GRIK1: variants seen among roughly 807,000 people sequenced by gnomAD.
The protein encoded by GRIK1 is glutamate ionotropic receptor kainate type subunit 1, also known as glutamate receptor ionotropic, kainate 1.
A neutral mutation model predicts 105.7 loss-of-function variants in GRIK1; 69 were observed. That is an observed-to-expected ratio of 0.65 (90% CI 0.54 to 0.80). The LOEUF (loss-of-function observed/expected upper bound fraction) is 0.80. GRIK1 is among the 30% of genes least tolerant of loss of function. GRIK1 has a pLI of 0.00. For missense variants in GRIK1, 1,109 were observed against 1,167.3 expected (o/e 0.95, Z 0.73); for synonymous variants, 438 against 431.3 (o/e 1.02, Z -0.19).
intron 1 of GRIK1, among the ~76,000 whole-genome samples, chr21:29,833,812 G>C (rs1007874009): frequency 2.0e-5 from 3 of 151,998 alleles, no homozygotes; most frequent in South Asian, 4.1e-4. Flanking sequence ...GCATCCTTCA[G>C]ATTTCACAGC....
At chr21:29,565,094 A>G (rs1219321324) in intron 14 of GRIK1, among the ~76,000 whole-genome samples, 1 of 152,176 alleles carries the variant, frequency 6.6e-6, no homozygotes, top group Non-Finnish European at 1.5e-5. Flanking sequence ...TTTCTCTCTG[A>G]CAGAAAACTG....
intron 1 of GRIK1, among the ~76,000 whole-genome samples, chr21:29,825,354 G>A (rs781330401): frequency 8.6e-5 from 13 of 151,986 alleles, no homozygotes; most frequent in Admixed American, 2.0e-4. Flanking sequence ...TAGTGATGAT[G>A]TAAAGAAAGC....
intron 6 of GRIK1, among the ~76,000 whole-genome samples, chr21:29,646,103 A>T (rs2062611461): frequency 6.6e-6 from 1 of 152,160 alleles, no homozygotes. Context: ...GCAATGTCAG[A>T]TAGTTTATGC....
At chr21:29,928,440 G>T (rs1262939876) in intron 1 of GRIK1, among the ~76,000 whole-genome samples, 2 of 152,188 alleles carry the variant, frequency 1.3e-5, no homozygotes, top group Non-Finnish European at 2.9e-5. Flanking sequence ...CTTAGATCTG[G>T]AGAAAACCTG....
At chr21:29,729,848 G>GTCTGAGGAT (rs1294659275) in intron 1 of GRIK1, among the ~76,000 whole-genome samples, 6 of 152,184 alleles carry the variant, frequency 3.9e-5, no homozygotes, top group Non-Finnish European at 8.8e-5. Flanking sequence ...GTGATTTTGA[G>GTCTGAGGAT]TCTGAGGATT....
At chr21:29,638,107 C>T (rs560054122) in intron 7 of GRIK1, among the ~76,000 whole-genome samples, 44 of 152,180 alleles carry the variant, frequency 2.9e-4, no homozygotes, top group Non-Finnish European at 5.7e-4. Flanking sequence ...TTAATGTTTC[C>T]TAGGTGTTGC....
chr21:29,745,011 G>T (rs1221824356), intron 1 of GRIK1, among the ~76,000 whole-genome samples: 1 of 152,132 alleles, frequency 6.6e-6, no homozygotes, highest in Non-Finnish European at 1.5e-5. Flanking sequence ...TCCCTTGAAA[G>T]TGGGGCTAGT....
Position 29,673,136 on chromosome 21 carries a change from T to C in GRIK1, c.573A>G (p.Lys191=), listed in dbSNP as rs369775721. 50 of 1,612,060 alleles carry C rather than the reference T, an allele frequency of 3.1e-5. No homozygotes were observed. Among genetic ancestry groups the C allele is most frequent in the Non-Finnish European group, 4.2e-5 (50 of 1,178,340 alleles). ...TTTTAATATTATATCTGGAGGGAGC[T>C]TTGATGAGCTCTTGTAGACGAATTA... ...TGLIRLQELI[K]APSRYNIKIK... Residue 191 remains lysine, a synonymous_variant, in exon 4 of 18, where the codon AAA becomes AAG. Coordinates refer to ENST00000327783, the MANE Select transcript of GRIK1 (RefSeq NM_001330994.2).
At chr21:29,657,846 C>A (rs1396240821) in intron 4 of GRIK1, 1 of 152,214 alleles carries the variant, frequency 6.6e-6, no homozygotes. Flanking sequence ...GATTTTCTCT[C>A]TGCATGTTGG....
chr21:29,938,515 G>A (rs928213057), intron 1 of GRIK1, among the ~76,000 whole-genome samples: 1 of 152,200 alleles, frequency 6.6e-6, no homozygotes, highest in African/African-American at 2.4e-5. Flanking sequence ...CCTTGGTGGT[G>A]GGTGCTATAC....
At chr21:29,839,055 T>TTTTCC (rs1450293598) in intron 1 of GRIK1, among the ~76,000 whole-genome samples, 1 of 151,888 alleles carries the variant, frequency 6.6e-6, no homozygotes, top group East Asian at 1.9e-4. Context: ...TTTTCTTTTC[T>TTTTCC]TTTCTTTTTT....
intron 14 of GRIK1, among the ~76,000 whole-genome samples, chr21:29,564,390 G>A (rs1195462861): frequency 1.3e-5 from 2 of 152,024 alleles, no homozygotes; most frequent in Non-Finnish European, 2.9e-5. Context: ...CTCGTGATCC[G>A]CCCGCCTCGG....
intron 1 of GRIK1, among the ~76,000 whole-genome samples, chr21:29,834,484 C>A (rs1254844157): frequency 6.6e-6 from 1 of 151,202 alleles, no homozygotes; most frequent in Admixed American, 6.6e-5. Context: ...CCTTCACCCC[C>A]CACTTTGTTC....
chr21:29,585,983 G>C (rs2091122785), intron 12 of GRIK1, among the ~76,000 whole-genome samples: 1 of 152,158 alleles, frequency 6.6e-6, no homozygotes. Flanking sequence ...CCGTCCACTT[G>C]ATACCAATAG....
intron 1 of GRIK1, among the ~76,000 whole-genome samples, chr21:29,732,354 C>A (rs1301558464): frequency 1.3e-5 from 2 of 152,144 alleles, no homozygotes; most frequent in Non-Finnish European, 2.9e-5. Context: ...ACACATTATC[C>A]ACCTTCCATT....
At chr21:29,736,862 A>G (rs928099104) in intron 1 of GRIK1, among the ~76,000 whole-genome samples, 1 of 151,754 alleles carries the variant, frequency 6.6e-6, no homozygotes, top group Non-Finnish European at 1.5e-5. Context: ...ATTTTTTAGT[A>G]GAGACGGGGT....
At chr21:29,889,161 C>A (rs560915615) in intron 1 of GRIK1, among the ~76,000 whole-genome samples, 1 of 151,972 alleles carries the variant, frequency 6.6e-6, no homozygotes, top group South Asian at 2.1e-4. Context: ...AACAGAATAC[C>A]AAATAAATTT....
rs146943709 is a variant in GRIK1 at position 29,853,067 on chromosome 21, A to C, written c.118+86316T>G. 7.2e-3 allele frequency among the ~76,000 whole-genome samples: 1,099 copies of C among 152,314 alleles called. 13 individuals are homozygous for C. Among genetic ancestry groups the C allele is most frequent in the African/African-American group, 0.024 (1,002 of 41,578 alleles). On this transcript the variant is annotated intron_variant, in intron 1 of 17. Coordinates refer to ENST00000327783, the MANE Select transcript of GRIK1 (RefSeq NM_001330994.2). ...GTAGTGAAAATATTCTTTTATATAA[A>C]AGGAATTGTAGCCTCACTGAACAAT...
At chr21:29,784,480 T>C (rs1163549525) in intron 1 of GRIK1, among the ~76,000 whole-genome samples, 2 of 152,178 alleles carry the variant, frequency 1.3e-5, no homozygotes, top group Non-Finnish European at 2.9e-5. Context: ...TGGGTGTTGT[T>C]TGGGGTAGTA....
Sources: allele counts gnomAD v4.1 joint callset (sites outside exome capture counted in the v4.1 genomes callset), GRCh38; gene constraint gnomAD v4.1.1; transcripts MANE v1.5; gene names NCBI Gene and HGNC (gene_info 2026-07-23, HGNC 2026-07-21).